TAF1A: variants seen among roughly 807,000 people sequenced by gnomAD.
TAF1A encodes the protein TATA-box binding protein associated factor, RNA polymerase I subunit A.
Under a neutral mutation model 61.6 loss-of-function variants are expected in TAF1A, and 42 were observed. The ratio of observed to expected loss-of-function variants is 0.68; its 90% CI spans 0.53 to 0.88. The LOEUF is 0.88. Among genes scored for constraint, TAF1A ranks in the 40% least tolerant of loss-of-function variants. The pLI, the probability that TAF1A is intolerant of heterozygous loss-of-function variation, is 0.00. For synonymous variants in TAF1A, 179 were observed against 177.7 expected (o/e 1.01, Z -0.06); for missense variants, 424 against 518.7 (o/e 0.82, Z 1.77).
chr1:222,555,427 A>T (rs934373831), downstream of TAF1A, among the ~76,000 whole-genome samples: 1 of 152,256 alleles, frequency 6.6e-6, no homozygotes, highest in African/African-American at 2.4e-5. Context: ...CATGGAGGAC[A>T]TTATGCTGAG....
At chr1:222,564,659 T>A (rs932619161) in intron 7 of TAF1A, among the ~76,000 whole-genome samples, 3 of 152,102 alleles carry the variant, frequency 2.0e-5, no homozygotes, top group African/African-American at 7.2e-5. Context: ...ATGAAAAAAT[T>A]AAAGATTTTT....
At position 222,588,295 on chromosome 1, in the gene TAF1A, GA is replaced by G. The variant is rs934687836; in HGVS notation, c.121+147del. ...AATCCAAGGGCAAAGAATTCTAAAA[GA>G]AAAAAGATTTCTTTTGGCTTTTAGC... On this transcript the variant is annotated intron_variant, in intron 2 of 10. Coordinates refer to ENST00000352967, the MANE Select transcript of TAF1A (RefSeq NM_005681.4). The G allele has an allele frequency of 4.4e-5, 42 of 954,620 alleles. No homozygotes were observed. The African/African-American group carries it at 5.4e-4, about 12-fold the overall frequency. The allele number at this position is 954,620 out of a possible 1,614,324, so 59.1% of individuals were successfully genotyped here. A position where few individuals can be genotyped will look rare whatever the true frequency, so the allele number is the denominator to read the frequency against.
chr1:222,570,596 T>A lies in TAF1A; in HGVS notation c.674A>T (p.Asn225Ile). ...VFNHSWKTSA[N>I]ISALIKIPGV... ...AGGAATTTTAATCAATGCAGAAATA[T>A]TTGCAGATGTCTTCCAGCTGTGGTT... Residue 225 changes from asparagine to isoleucine, a missense_variant, in exon 6 of 11, where the codon AAT becomes ATT. Transcript: ENST00000352967. The A allele has an allele frequency of 6.2e-7, 1 of 1,613,110 alleles. No homozygotes were observed. Among genetic ancestry groups the A allele is most frequent in the Non-Finnish European group, 8.5e-7 (1 of 1,179,294 alleles).
At chr1:222,582,318 GAC>G (rs1313195226) in intron 3 of TAF1A, among the ~76,000 whole-genome samples, 2 of 152,298 alleles carry the variant, frequency 1.3e-5, no homozygotes, top group East Asian at 3.9e-4. Context: ...GCAGAGGAGT[GAC>G]ATGATCTGAT....
At chr1:222,570,392 C>CA in intron 6 of TAF1A, 143 bp downstream of exon 6, 1 of 840,074 alleles carries the variant, frequency 1.2e-6, no homozygotes. Context: ...AAATTCAGAC[C>CA]AAAAAAGAGA....
intron 5 of TAF1A, among the ~76,000 whole-genome samples, chr1:222,572,045 C>T (rs999871142): frequency 5.9e-5 from 9 of 151,918 alleles, no homozygotes; most frequent in African/African-American, 1.7e-4. Flanking sequence ...GGTGAAACCC[C>T]GTCTCTACTA....
chr1:222,575,142 A>T (rs1660515354), intron 5 of TAF1A, among the ~76,000 whole-genome samples: 2 of 152,168 alleles, frequency 1.3e-5, no homozygotes, highest in African/African-American at 2.4e-5. Flanking sequence ...TCTTTTTCCC[A>T]GTGGATCAGT....
intron 10 of TAF1A, among the ~76,000 whole-genome samples, chr1:222,560,167 C>T (rs1443600171): frequency 6.6e-6 from 1 of 152,090 alleles, no homozygotes; most frequent in Non-Finnish European, 1.5e-5. Flanking sequence ...CAAAGGCAGA[C>T]CACACCCAGA....
At chr1:222,582,509 G>A (rs943269621) in intron 3 of TAF1A, among the ~76,000 whole-genome samples, 1 of 152,138 alleles carries the variant, frequency 6.6e-6, no homozygotes, top group Non-Finnish European at 1.5e-5. Context: ...AATATAAATG[G>A]TATGGCCACT....
At chr1:222,589,652 C>A (rs1361251831) in intron 1 of TAF1A, 75 bp downstream of exon 1, 1 of 162,782 alleles carries the variant, frequency 6.1e-6, no homozygotes, top group East Asian at 1.7e-4. Flanking sequence ...ATCAGGAGAA[C>A]ATGGATGAAT....
rs779446389 is a variant in TAF1A, at chr1:222,570,510, T to C, written c.735+25A>G. On this transcript the variant is annotated intron_variant, in intron 6 of 10. Coordinates refer to ENST00000352967, the MANE Select transcript of TAF1A (RefSeq NM_005681.4). Reference sequence around the variant, plus strand: ...TAGGCTTTTGACAAAATAAAACCAATAAATTTAATGAAAATTCTACTTACT... The same window carrying C: ...TAGGCTTTTGACAAAATAAAACCAACAAATTTAATGAAAATTCTACTTACT... 9 of 1,584,642 alleles carry C rather than the reference T, an allele frequency of 5.7e-6. No individual in the cohort carries two copies. In the African/African-American group the frequency reaches 1.2e-4, roughly 21 times the overall value.
chr1:222,560,122 A>G (rs1659855629), intron 10 of TAF1A, among the ~76,000 whole-genome samples: 1 of 152,162 alleles, frequency 6.6e-6, no homozygotes, highest in African/African-American at 2.4e-5. Flanking sequence ...GCATGGAAAG[A>G]AAGAGAGCCA....
chr1:222,584,676 T>C (rs1660941880), intron 2 of TAF1A, among the ~76,000 whole-genome samples: 2 of 152,200 alleles, frequency 1.3e-5, no homozygotes, highest in South Asian at 2.1e-4. Context: ...ATGGTCTTTA[T>C]TACCTACCCA....
chr1:222,582,882 C>T (rs1233227233), intron 3 of TAF1A, among the ~76,000 whole-genome samples: 1 of 152,096 alleles, frequency 6.6e-6, no homozygotes, highest in Non-Finnish European at 1.5e-5. Flanking sequence ...ATGAAATGTC[C>T]AGAATAGAAA....
intron 10 of TAF1A, among the ~76,000 whole-genome samples, chr1:222,560,361 CAT>C (rs1309522766): frequency 6.6e-6 from 1 of 152,200 alleles, no homozygotes. Flanking sequence ...GCGATGTTCA[CAT>C]GATACTTACA....
intron 5 of TAF1A, among the ~76,000 whole-genome samples, chr1:222,573,986 A>T (rs1023052469): frequency 4.9e-4 from 1 of 2,044 alleles, no homozygotes; most frequent in South Asian, 0.012. Context: ...ATTTTCTGTT[A>T]GGGAAAAAAA....
At chr1:222,579,477 T>C (rs1660699546) in intron 4 of TAF1A, among the ~76,000 whole-genome samples, 1 of 152,232 alleles carries the variant, frequency 6.6e-6, no homozygotes, top group Non-Finnish European at 1.5e-5. Flanking sequence ...CATTTTAGAA[T>C]CTGGCCCATC....
chr1:222,554,752 C>T (rs1290720113), downstream of TAF1A, among the ~76,000 whole-genome samples: 1 of 152,118 alleles, frequency 6.6e-6, no homozygotes, highest in Admixed American at 6.6e-5. Context: ...GAGGCCCAGG[C>T]TAGGTGGGGG....
chr1:222,579,676 G>A, intron 4 of TAF1A, 83 bp downstream of exon 4: 2 of 1,511,406 alleles, frequency 1.3e-6, no homozygotes, highest in Non-Finnish European at 1.8e-6. Context: ...CATTTTTTAG[G>A]TTAACTACCT....
Sources: gnomAD v4.1 joint callset for allele counts (sites outside exome capture counted in the v4.1 genomes callset) on GRCh38, gnomAD v4.1.1 for gene constraint, MANE v1.5 for transcripts, NCBI Gene and HGNC (gene_info 2026-07-23, HGNC 2026-07-21) for gene names.